DIAPH1: variants seen among roughly 807,000 people sequenced by gnomAD.
DIAPH1 encodes the protein protein diaphanous homolog 1.
A neutral mutation model predicts 140.7 loss-of-function variants in DIAPH1; 46 were observed. The observed-to-expected ratio is 0.33, with a 90% CI of 0.26 to 0.42. The LOEUF (loss-of-function observed/expected upper bound fraction) is 0.42, where lower values mean the gene tolerates loss of function less well. DIAPH1 is among the 10% of genes least tolerant of loss of function. DIAPH1 has a pLI of 1.00. For missense variants in DIAPH1, 1,310 were observed against 1,558.7 expected, an observed-to-expected ratio of 0.84 and a Z score of 2.69; for synonymous variants, 565 against 551.6, an observed-to-expected ratio of 1.02 and a Z score of -0.34.
intron 8 of DIAPH1, among the ~76,000 whole-genome samples, chr5:141,579,660 T>C (rs892531796): frequency 2.0e-5 from 3 of 152,152 alleles, no homozygotes; most frequent in Admixed American, 2.0e-4. Flanking sequence ...AAAAAATATC[T>C]GTAAGTTGGC....
At chr5:141,544,019 A>C (rs2099890406) in intron 18 of DIAPH1, among the ~76,000 whole-genome samples, 1 of 152,224 alleles carries the variant, frequency 6.6e-6, no homozygotes, top group Non-Finnish European at 1.5e-5. Context: ...CACAAAAAAA[A>C]GTATAAATCG....
Position 141,599,557 on chromosome 5 carries a change from T to C in DIAPH1, c.118-11307A>G, listed in dbSNP as rs967096587. Reference sequence around the variant, plus strand: ...CCTCCACCTCCTGGGTTCAAGTGATTCTCCTGCCTCAGCCTCCTGAGTAGC... The same window carrying C: ...CCTCCACCTCCTGGGTTCAAGTGATCCTCCTGCCTCAGCCTCCTGAGTAGC... On this transcript the variant is annotated intron_variant, in intron 1 of 27. Coordinates refer to ENST00000389054, the MANE Select transcript of DIAPH1 (RefSeq NM_005219.5). Among the ~76,000 whole-genome samples, 6 of 152,260 alleles carry C rather than the reference T, an allele frequency of 3.9e-5. No individual in the cohort carries two copies. In the East Asian group the frequency reaches 9.7e-4, roughly 25 times the overall value.
chr5:141,538,785 C>G lies in DIAPH1; in HGVS notation c.2483-4352G>C, dbSNP rs141521166. On this transcript the variant is annotated intron_variant, in intron 18 of 27. Transcript: ENST00000389054. ...AGAGACACAGTTTCGCCACTTTGCCCAGGCTGGGCTGGGCTCAAGCAATCC... is the reference window on the plus strand; with the variant it reads ...AGAGACACAGTTTCGCCACTTTGCCGAGGCTGGGCTGGGCTCAAGCAATCC... Among the ~76,000 whole-genome samples, 872 of 152,306 alleles carry G rather than the reference C, an allele frequency of 5.7e-3. 4 individuals are homozygous for G. Among genetic ancestry groups the G allele is most frequent in the Non-Finnish European group, 9.3e-3 (634 of 68,024 alleles).
intron 8 of DIAPH1, 140 bp from the exon 9 acceptor site, chr5:141,579,336 C>T: frequency 1.3e-6 from 1 of 791,210 alleles, no homozygotes; most frequent in South Asian, 1.4e-5. Flanking sequence ...TTATTATTCT[C>T]ACCACTCAGT....
At chr5:141,541,002 A>C (rs2099889886) in intron 18 of DIAPH1, among the ~76,000 whole-genome samples, 1 of 151,892 alleles carries the variant, frequency 6.6e-6, no homozygotes, top group Admixed American at 6.6e-5. Context: ...GGAAGTTGCA[A>C]TGAGCTGAGA....
chr5:141,520,527 C>T (rs898930972), intron 27 of DIAPH1, among the ~76,000 whole-genome samples: 4 of 152,154 alleles, frequency 2.6e-5, no homozygotes, highest in African/African-American at 9.7e-5. Context: ...TACACCTTCT[C>T]CCCCCTTGAT....
At position 141,571,918 on chromosome 5, in the gene DIAPH1, G is replaced by A. The variant is rs1411941958; in HGVS notation, c.2473+8C>T. ...CTGGACCTTTGCATCAAAGAGGAAG[G>A]TACTCACTCTTGGTCTGGGCAGAGA... On this transcript the variant is annotated splice_region_variant and intron_variant, in intron 17 of 27. Coordinates refer to ENST00000389054, the MANE Select transcript of DIAPH1 (RefSeq NM_005219.5). 4.4e-6 allele frequency: 7 copies of A among 1,580,926 alleles called. No individual in the cohort carries two copies. The highest frequency in any genetic ancestry group is 6.1e-6 in the Non-Finnish European group (7 of 1,149,970).
intron 18 of DIAPH1, among the ~76,000 whole-genome samples, chr5:141,554,840 T>C (rs1159860993): frequency 6.6e-6 from 1 of 152,184 alleles, no homozygotes; most frequent in Non-Finnish European, 1.5e-5. Flanking sequence ...CCAAATTTAA[T>C]ATCCATTCAG....
At chr5:141,579,557 G>A (rs2099896436) in intron 8 of DIAPH1, among the ~76,000 whole-genome samples, 1 of 152,106 alleles carries the variant, frequency 6.6e-6, no homozygotes, top group Non-Finnish European at 1.5e-5. Flanking sequence ...TCCAACATAT[G>A]GGCATAAATG....
chr5:141,577,777 A>G lies in DIAPH1; in HGVS notation c.1164-186T>C, dbSNP rs142812798. Among the ~76,000 whole-genome samples the G allele has an allele frequency of 0.011, 1,745 of 152,332 alleles. 26 individuals carry two copies. The highest frequency in any genetic ancestry group is 0.028 in the African/African-American group (1,149 of 41,568). On this transcript the variant is annotated intron_variant, in intron 11 of 27. Transcript: ENST00000389054. ...AAAACGTCCTTTAAGGGACCAGTGA[A>G]TTGGGTGGTACTATACACACAGAGG...
At chr5:141,541,168 TA>T (rs151092771) in intron 18 of DIAPH1, among the ~76,000 whole-genome samples, 1 of 152,238 alleles carries the variant, frequency 6.6e-6, no homozygotes, top group Non-Finnish European at 1.5e-5. Flanking sequence ...CAGAGATGTT[TA>T]AAAAATCATA....
At chr5:141,556,770 C>A (rs1263038699) in intron 18 of DIAPH1, among the ~76,000 whole-genome samples, 1 of 152,202 alleles carries the variant, frequency 6.6e-6, no homozygotes, top group African/African-American at 2.4e-5. Flanking sequence ...TGGCTCACCA[C>A]AACCTCCGCC....
chr5:141,557,424 A>G (rs1351057773), intron 18 of DIAPH1, among the ~76,000 whole-genome samples: 1 of 152,162 alleles, frequency 6.6e-6, no homozygotes, highest in African/African-American at 2.4e-5. Flanking sequence ...GTCTCTTTAC[A>G]TATATGTGTG....
chr5:141,579,237 T>C, intron 8 of DIAPH1, 41 bp from the exon 9 acceptor site: 2 of 1,463,986 alleles, frequency 1.4e-6, no homozygotes, highest in Non-Finnish European at 1.9e-6. Flanking sequence ...TTCCAGGTAC[T>C]GTGACACGGA....
At chr5:141,596,190 G>A (rs530632799) in intron 1 of DIAPH1, among the ~76,000 whole-genome samples, 9 of 152,164 alleles carry the variant, frequency 5.9e-5, no homozygotes, top group African/African-American at 1.2e-4. Context: ...AAAATTAGCC[G>A]GGCGTGGTGG....
At position 141,587,104 on chromosome 5, in the gene DIAPH1, T is replaced by C; in HGVS notation, c.238A>G (p.Thr80Ala). Residue 80 changes from threonine (T) to alanine (A), a missense_variant, in exon 3 of 28, where the codon ACA (threonine) becomes GCA (alanine). Transcript: ENST00000389054. ...GAAACATCTTGCAATGACTGTGCTG[T>C]GGGATCATCCCCATATGATGCAGAA... The part of the protein sequence containing the change: ...NSSASYGDDP[T>A]AQSLQDVSDE... The C allele has an allele frequency of 6.2e-7, 1 of 1,614,186 alleles. No homozygotes were observed. The highest frequency in any genetic ancestry group is 8.5e-7 in the Non-Finnish European group (1 of 1,180,004).
rs1484047582 is a variant in DIAPH1 at position 141,560,791 on chromosome 5, G to A, written c.2482+10637C>T. ...TCAGGGTTGGGAAGGGAAGTAACAG[G>A]GTAAGAGCAGAACAAAGAGAACAGA... On this transcript the variant is annotated intron_variant, in intron 18 of 27. Coordinates refer to ENST00000389054, the MANE Select transcript of DIAPH1 (RefSeq NM_005219.5). 4 of 455,364 alleles carry A rather than the reference G, an allele frequency of 8.8e-6. No homozygotes were observed. The Admixed American group carries it at 9.4e-5, about 11-fold the overall frequency. 28.2% of individuals were successfully genotyped at this position (455,364 alleles called of 1,614,324 possible). A position where few individuals can be genotyped will look rare whatever the true frequency, so the allele number is the denominator to read the frequency against.
At chr5:141,616,358 G>A (rs920363671) in intron 1 of DIAPH1, among the ~76,000 whole-genome samples, 3 of 152,136 alleles carry the variant, frequency 2.0e-5, no homozygotes, top group Non-Finnish European at 4.4e-5. Flanking sequence ...ACAACCTTCG[G>A]GCACACTTAG....
chr5:141,529,298 G>C, intron 20 of DIAPH1, 25 bp from the exon 21 acceptor site: 1 of 1,581,662 alleles, frequency 6.3e-7, no homozygotes, highest in Non-Finnish European at 8.7e-7. Flanking sequence ...AGACATCTCA[G>C]CTGGAGGGGA....
Sources: allele counts gnomAD v4.1 joint callset (sites outside exome capture counted in the v4.1 genomes callset), GRCh38; gene constraint gnomAD v4.1.1; transcripts MANE v1.5; gene names NCBI Gene and HGNC (gene_info 2026-07-23, HGNC 2026-07-21).